The following PDE1C variants were observed in gnomAD, a reference collection of about 807,000 sequenced individuals.
PDE1C encodes the protein phosphodiesterase 1C, also known as dual specificity calcium/calmodulin-dependent 3',5'-cyclic nucleotide phosphodiesterase 1C.
A neutral mutation model predicts 93.1 loss-of-function variants in PDE1C; 62 were observed. The observed-to-expected ratio is 0.67, with a 90% confidence interval of 0.54 to 0.82. The LOEUF is 0.82. PDE1C is among the 40% of genes least tolerant of loss of function. The probability of loss-of-function intolerance (pLI) is 0.00; values close to 1 mark genes in which losing one functional copy is unlikely to be tolerated. For synonymous variants in PDE1C, 325 were observed against 310.1 expected (o/e 1.05, Z -0.50); for missense variants, 742 against 884.6 (o/e 0.84, Z 2.04).
chr7:31,712,896 T>A, the PDE1C span, among the ~76,000 whole-genome samples: 1 of 152,166 alleles, frequency 6.6e-6, no homozygotes, highest in African/African-American at 2.4e-5. Flanking sequence ...GGGAAAGACC[T>A]GTCCCCAAGA....
rs141846550 is a variant in PDE1C at position 32,398,450 on chromosome 7, G to A, written c.310+29372C>T. On this transcript the variant is annotated intron_variant, in intron 1 of 1. Coordinates refer to the PDE1C transcript ENST00000672256. ...GTCACCCAGGGTAGAGTGCAGTGGC[G>A]CAATCTTGGCTGGCCACAACCTCCA... 3.8e-3 allele frequency among the ~76,000 whole-genome samples: 578 copies of A among 151,492 alleles called. 4 individuals carry two copies. The highest frequency in any genetic ancestry group is 0.013 in the African/African-American group (531 of 41,332).
At chr7:31,670,137 C>T in the PDE1C span, among the ~76,000 whole-genome samples, 1 of 152,182 alleles carries the variant, frequency 6.6e-6, no homozygotes, top group African/African-American at 2.4e-5. Context: ...CATATACAGG[C>T]TGAGTATCCC....
At chr7:32,415,511 C>T (rs1785256564) in intron 1 of PDE1C, among the ~76,000 whole-genome samples, 1 of 151,948 alleles carries the variant, frequency 6.6e-6, no homozygotes, top group Non-Finnish European at 1.5e-5. Context: ...GGAATCTTCT[C>T]AAAGAGGAAA....
chr7:32,196,018 T>A, intron 2 of PDE1C, among the ~76,000 whole-genome samples: 1 of 152,152 alleles, frequency 6.6e-6, no homozygotes, highest in Middle Eastern at 3.2e-3. Context: ...CCCCTGACAC[T>A]CAGCTCAGCA....
chr7:32,324,245 C>T (rs1783357768), intron 1 of PDE1C, among the ~76,000 whole-genome samples: 1 of 152,130 alleles, frequency 6.6e-6, no homozygotes. Context: ...TTACTATTTG[C>T]TCTTTTATAG....
chr7:32,220,956 G>A (rs1423731388), intron 1 of PDE1C, among the ~76,000 whole-genome samples: 1 of 152,176 alleles, frequency 6.6e-6, no homozygotes, highest in African/African-American at 2.4e-5. Context: ...CCTTCTGGAG[G>A]CAGGAAGCAG....
chr7:32,298,823 C>T, exon 1 of PDE1C: 2 of 1,475,044 alleles, frequency 1.4e-6, no homozygotes, highest in East Asian at 2.7e-5. Flanking sequence ...CGGGGCTCGG[C>T]GGCGAATCCT....
intron 2 of PDE1C, among the ~76,000 whole-genome samples, chr7:31,901,016 A>T (rs1037541253): frequency 1.3e-5 from 2 of 151,790 alleles, no homozygotes; most frequent in Admixed American, 1.3e-4. Context: ...TGACTTTTTT[A>T]AATGATAAAG....
At chr7:32,175,851 C>A (rs1320087201) in intron 2 of PDE1C, among the ~76,000 whole-genome samples, 1 of 152,220 alleles carries the variant, frequency 6.6e-6, no homozygotes, top group Non-Finnish European at 1.5e-5. Flanking sequence ...GATAGCAACA[C>A]AAATGAATCT....
chr7:31,848,222 TTATA>T, intron 8 of PDE1C, 126 bp from the exon 9 acceptor site: 1 of 860,644 alleles, frequency 1.2e-6, no homozygotes, highest in Non-Finnish European at 1.8e-6. Context: ...CCCATGCCAG[TTATA>T]TGAACCAAAA....
At chr7:32,193,305 C>CTACA (rs1804365574) in intron 2 of PDE1C, among the ~76,000 whole-genome samples, 1 of 152,094 alleles carries the variant, frequency 6.6e-6, no homozygotes, top group African/African-American at 2.4e-5. Context: ...TCTTCCTTAT[C>CTACA]AAGTTGAAGA....
chr7:32,404,721 G>A (rs1001703345), intron 1 of PDE1C, among the ~76,000 whole-genome samples: 4 of 152,248 alleles, frequency 2.6e-5, no homozygotes, highest in Middle Eastern at 3.4e-3. Context: ...CTATGTGCGT[G>A]TGGGGTGGGG....
At chr7:32,033,543 C>T (rs1017487636) in intron 2 of PDE1C, among the ~76,000 whole-genome samples, 6 of 152,082 alleles carry the variant, frequency 3.9e-5, no homozygotes, top group African/African-American at 1.4e-4. Flanking sequence ...CTAAAGAATA[C>T]AGATTTTCAA....
chr7:32,169,357 G>C (rs1802501637), intron 3 of PDE1C, among the ~76,000 whole-genome samples: 1 of 152,186 alleles, frequency 6.6e-6, no homozygotes, highest in Non-Finnish European at 1.5e-5. Flanking sequence ...GTCAGCAGCA[G>C]CTCTTACATC....
intron 2 of PDE1C, among the ~76,000 whole-genome samples, chr7:32,203,659 GA>G (rs1341247200): frequency 6.6e-6 from 1 of 152,048 alleles, no homozygotes; most frequent in African/African-American, 2.4e-5. Flanking sequence ...CCCATTATCC[GA>G]GGGGGTACGT....
chr7:32,099,181 A>C (rs976089347), intron 3 of PDE1C, among the ~76,000 whole-genome samples: 2 of 152,260 alleles, frequency 1.3e-5, no homozygotes, highest in Admixed American at 1.3e-4. Context: ...TTATATAAAC[A>C]TGAAAAAAAT....
At chr7:31,778,535 A>G (rs1345233038) in intron 16 of PDE1C, among the ~76,000 whole-genome samples, 4 of 152,160 alleles carry the variant, frequency 2.6e-5, no homozygotes, top group African/African-American at 9.7e-5. Context: ...CTCCCTAGTC[A>G]TGACGATCAT....
At chr7:32,326,606 A>G (rs1485229904) in intron 1 of PDE1C, among the ~76,000 whole-genome samples, 1 of 152,216 alleles carries the variant, frequency 6.6e-6, no homozygotes, top group Non-Finnish European at 1.5e-5. Context: ...AGACTTAGTA[A>G]TGTTCAGGTC....
intron 3 of PDE1C, among the ~76,000 whole-genome samples, chr7:32,137,746 T>C (rs137906161): frequency 2.6e-5 from 4 of 152,318 alleles, no homozygotes; most frequent in African/African-American, 9.6e-5. Flanking sequence ...GCAACATTAA[T>C]AGTGAATAGG....
Sources: gnomAD v4.1 joint callset for allele counts (sites outside exome capture counted in the v4.1 genomes callset) on GRCh38, gnomAD v4.1.1 for gene constraint, MANE v1.5 for transcripts, NCBI Gene and HGNC (gene_info 2026-07-23, HGNC 2026-07-21) for gene names.